Variants in ZNF385D observed in about 807,000 individuals in gnomAD.
ZNF385D encodes zinc finger protein 385D.
Under a neutral mutation model 35.8 loss-of-function variants are expected in ZNF385D, and 15 were observed. That is an observed-to-expected ratio of 0.42 (90% CI 0.28 to 0.64). The LOEUF (loss-of-function observed/expected upper bound fraction) is 0.64. Ranked by LOEUF, ZNF385D falls within the 30% of genes least tolerant of loss-of-function variation. The probability of loss-of-function intolerance (pLI) is 0.23; values close to 1 mark genes in which losing one functional copy is unlikely to be tolerated. For synonymous variants in ZNF385D, 212 were observed against 186.8 expected (o/e 1.13, Z -1.10); for missense variants, 474 against 494.6 (o/e 0.96, Z 0.39).
chr3:22,106,779 A>G lies in ZNF385D; in HGVS notation c.325+62038T>C, dbSNP rs954043279. Among the ~76,000 whole-genome samples the G allele has an allele frequency of 5.9e-5, 9 of 152,242 alleles. No individual in the cohort carries two copies. The East Asian group carries it at 1.7e-3, about 29-fold the overall frequency. ...AACTGGATCTGTAACTTGATCTTCT[A>G]CCTAATGCGGAGAAGCCTGACAATC... On this transcript the variant is annotated intron_variant, in intron 3 of 5. Transcript: ENST00000494108.
chr3:21,804,627 C>T (rs1444102307), intron 3 of ZNF385D, among the ~76,000 whole-genome samples: 2 of 152,154 alleles, frequency 1.3e-5, no homozygotes, highest in African/African-American at 2.4e-5. Context: ...CTTCCTTCTA[C>T]TTAAGAGCTA....
intron 3 of ZNF385D, among the ~76,000 whole-genome samples, chr3:21,826,143 C>G (rs1434773868): frequency 1.3e-5 from 2 of 152,088 alleles, no homozygotes; most frequent in Non-Finnish European, 2.9e-5. Flanking sequence ...GTTGCTTTGA[C>G]CAGAAGTAGT....
chr3:22,024,960 G>C (rs975016526), intron 3 of ZNF385D, among the ~76,000 whole-genome samples: 1 of 152,122 alleles, frequency 6.6e-6, no homozygotes, highest in African/African-American at 2.4e-5. Context: ...ATAGACACAA[G>C]CTCTTATCAT....
chr3:22,193,657 GA>G (rs1312542753), intron 2 of ZNF385D, among the ~76,000 whole-genome samples: 3 of 151,888 alleles, frequency 2.0e-5, no homozygotes, highest in Non-Finnish European at 4.4e-5. Flanking sequence ...AGTGTTCCAT[GA>G]AACTTTAGGA....
chr3:21,589,540 A>T (rs1478069), intron 2 of ZNF385D, among the ~76,000 whole-genome samples: 56,703 of 152,050 alleles, frequency 0.37, 11,256 homozygotes, highest in African/African-American at 0.51. Flanking sequence ...TAAGACAAAA[A>T]AAGCTTGCAA....
chr3:22,316,629 T>G (rs1703903220), intron 2 of ZNF385D, among the ~76,000 whole-genome samples: 1 of 152,290 alleles, frequency 6.6e-6, no homozygotes, highest in East Asian at 1.9e-4. Flanking sequence ...CTTAATGATT[T>G]TGAGCAACTT....
intron 2 of ZNF385D, among the ~76,000 whole-genome samples, chr3:22,191,406 G>T (rs1696018377): frequency 6.6e-6 from 1 of 151,296 alleles, no homozygotes; most frequent in Non-Finnish European, 1.5e-5. Flanking sequence ...AGAATTGTTT[G>T]AACCTGGGAG....
At chr3:21,985,877 C>A in intron 3 of ZNF385D, among the ~76,000 whole-genome samples, 1 of 127,976 alleles carries the variant, frequency 7.8e-6, no homozygotes, top group South Asian at 2.8e-4. Context: ...GATTCAACTT[C>A]TTCCTGGTTT....
intron 3 of ZNF385D, among the ~76,000 whole-genome samples, chr3:22,167,939 C>A (rs867174413): frequency 2.0e-5 from 3 of 152,246 alleles, no homozygotes; most frequent in African/African-American, 4.8e-5. Context: ...AATGCAGAAG[C>A]AATTTCTACT....
At chr3:22,035,080 C>T (rs1698233804) in intron 3 of ZNF385D, among the ~76,000 whole-genome samples, 1 of 152,068 alleles carries the variant, frequency 6.6e-6, no homozygotes, top group South Asian at 2.1e-4. Context: ...AATCACTGAA[C>T]ATTGAATAAA....
At chr3:21,906,250 C>G (rs1241500968) in intron 3 of ZNF385D, among the ~76,000 whole-genome samples, 1 of 152,122 alleles carries the variant, frequency 6.6e-6, no homozygotes, top group African/African-American at 2.4e-5. Flanking sequence ...CCATTCTTCC[C>G]AGGTTTGTTT....
At chr3:21,844,985 C>G (rs188577314) in intron 3 of ZNF385D, among the ~76,000 whole-genome samples, 2 of 151,046 alleles carry the variant, frequency 1.3e-5, no homozygotes, top group African/African-American at 4.8e-5. Flanking sequence ...TGATGTACTG[C>G]CAAATCATGA....
chr3:21,510,470 A>G (rs1313814914), intron 4 of ZNF385D, among the ~76,000 whole-genome samples: 1 of 152,186 alleles, frequency 6.6e-6, no homozygotes, highest in Non-Finnish European at 1.5e-5. Context: ...CAATTCATTT[A>G]GCATACTTTG....
chr3:21,817,636 C>T (rs893330006), intron 3 of ZNF385D, among the ~76,000 whole-genome samples: 4 of 152,156 alleles, frequency 2.6e-5, no homozygotes, highest in Non-Finnish European at 5.9e-5. Flanking sequence ...TACCATCTCA[C>T]ACCAGTTAGA....
At chr3:22,316,541 C>T (rs150819874) in intron 2 of ZNF385D, among the ~76,000 whole-genome samples, 15 of 152,220 alleles carry the variant, frequency 9.9e-5, no homozygotes, top group Non-Finnish European at 2.1e-4. Context: ...TGTGACAATA[C>T]AGGAGCTATA....
chr3:21,592,563 CA>C (rs200460514), intron 2 of ZNF385D, among the ~76,000 whole-genome samples: 7,080 of 92,270 alleles, frequency 0.077, 419 homozygotes, highest in African/African-American at 0.19. Context: ...AAACCAAAAA[CA>C]AAAAAAAAAA....
At chr3:21,822,695 G>A (rs1285170404) in intron 3 of ZNF385D, among the ~76,000 whole-genome samples, 2 of 152,084 alleles carry the variant, frequency 1.3e-5, no homozygotes. Context: ...CATAGTTACA[G>A]TATACCAGTT....
intron 3 of ZNF385D, among the ~76,000 whole-genome samples, chr3:21,930,555 A>G (rs1700952658): frequency 6.6e-6 from 1 of 152,154 alleles, no homozygotes; most frequent in African/African-American, 2.4e-5. Context: ...ATAAAATAAG[A>G]GAACTTATAT....
intron 2 of ZNF385D, among the ~76,000 whole-genome samples, chr3:22,369,659 C>T (rs1245829647): frequency 1.3e-5 from 2 of 152,136 alleles, no homozygotes; most frequent in African/African-American, 4.8e-5. Context: ...TGGGTTTATA[C>T]AAATTTTATT....
Sources: allele counts gnomAD v4.1 joint callset (sites outside exome capture counted in the v4.1 genomes callset), GRCh38; gene constraint gnomAD v4.1.1; transcripts MANE v1.5; gene names NCBI Gene and HGNC (gene_info 2026-07-23, HGNC 2026-07-21).